The following ADARB2 variants were observed in gnomAD, a reference collection of about 807,000 sequenced individuals.
ADARB2 encodes inactive double-stranded RNA-specific editase B2.
In ADARB2, 25 loss-of-function variants were observed where a neutral mutation model predicts 62.2. That is an observed-to-expected ratio of 0.40 (90% CI 0.29 to 0.56). The LOEUF is 0.56. ADARB2 is among the 20% of genes least tolerant of loss of function. The pLI, the probability that ADARB2 is intolerant of heterozygous loss-of-function variation, is 0.43. For missense variants in ADARB2, 1,071 were observed against 1,077.4 expected, an observed-to-expected ratio of 0.99 and a Z score of 0.08; for synonymous variants, 572 against 500.8, an observed-to-expected ratio of 1.14 and a Z score of -1.90.
rs553763236 is a variant in ADARB2, at chr10:1,258,374, A to T, written c.1192+12581T>A. Among the ~76,000 whole-genome samples the T allele has an allele frequency of 3.9e-5, 6 of 152,280 alleles. No individual in the cohort carries two copies. The East Asian group carries it at 1.2e-3, about 29-fold the overall frequency. Reference sequence around the variant, plus strand: ...AAGGCACAGACTGGCAAATTGGAAAAAGAGTCAAGACCCATCAGTGTGCTG... The same window carrying T: ...AAGGCACAGACTGGCAAATTGGAAATAGAGTCAAGACCCATCAGTGTGCTG... On this transcript the variant is annotated intron_variant, in intron 4 of 9. Coordinates refer to ENST00000381312, the MANE Select transcript of ADARB2 (RefSeq NM_018702.4).
At chr10:1,420,196 TCTA>T (rs1832840338) in intron 1 of ADARB2, among the ~76,000 whole-genome samples, 7 of 152,234 alleles carry the variant, frequency 4.6e-5, no homozygotes, top group Admixed American at 4.6e-4. Flanking sequence ...AAAGTTCTAA[TCTA>T]CTACACAGCA....
At chr10:1,627,301 G>A (rs577732232) in intron 1 of ADARB2, among the ~76,000 whole-genome samples, 162 of 152,214 alleles carry the variant, frequency 1.1e-3, no homozygotes, top group Non-Finnish European at 7.1e-4. Flanking sequence ...GACTCCATTC[G>A]GAGAGCAGGG....
chr10:1,697,648 G>A (rs1834764093), intron 1 of ADARB2, among the ~76,000 whole-genome samples: 2 of 152,172 alleles, frequency 1.3e-5, no homozygotes, highest in Admixed American at 6.5e-5. Context: ...CCAGACAAGG[G>A]TGGGTGGGAA....
At chr10:1,357,440 C>T (rs1832206965) in intron 3 of ADARB2, among the ~76,000 whole-genome samples, 1 of 152,106 alleles carries the variant, frequency 6.6e-6, no homozygotes, top group Non-Finnish European at 1.5e-5. Context: ...ACCACAATCT[C>T]ACCTCCTTTC....
intron 1 of ADARB2, among the ~76,000 whole-genome samples, chr10:1,695,861 T>TAC (rs200924747): frequency 2.0e-5 from 3 of 151,942 alleles, no homozygotes; most frequent in African/African-American, 2.4e-5. Context: ...TGCATCCATG[T>TAC]ACACACACAT....
chr10:1,317,820 C>T (rs1250746957), intron 3 of ADARB2, among the ~76,000 whole-genome samples: 1 of 152,010 alleles, frequency 6.6e-6, no homozygotes, highest in Non-Finnish European at 1.5e-5. Flanking sequence ...CATTGGGGGC[C>T]CAGCTTGTAG....
At chr10:1,236,259 C>G (rs1437132531) in intron 5 of ADARB2, among the ~76,000 whole-genome samples, 295 of 9,120 alleles carry the variant, frequency 0.032, 27 homozygotes, top group East Asian at 0.17. Context: ...ACTCCCCTCT[C>G]CCTCCCGGTG....
rs1362622857 is a variant in ADARB2 at position 1,407,375 on chromosome 10, C to T, written c.101-28215G>A. Among the ~76,000 whole-genome samples the T allele has an allele frequency of 3.9e-5, 6 of 152,224 alleles. No individual in the cohort carries two copies. The South Asian group carries it at 1.0e-3, about 26-fold the overall frequency. ...GGCGTCCTTCTGAGCCACTGCTACT[C>T]CTGAAGAGGGTACAACGGCCGGGGT... On this transcript the variant is annotated intron_variant, in intron 1 of 9. Transcript: ENST00000381312.
At chr10:1,425,493 A>G (rs1832886943) in intron 1 of ADARB2, among the ~76,000 whole-genome samples, 1 of 152,178 alleles carries the variant, frequency 6.6e-6, no homozygotes, top group Admixed American at 6.5e-5. Context: ...TTTTATACTG[A>G]ATGTGTTGCT....
intron 1 of ADARB2, among the ~76,000 whole-genome samples, chr10:1,425,411 G>A (rs569854245): frequency 4.8e-4 from 73 of 152,170 alleles, no homozygotes; most frequent in Non-Finnish European, 9.0e-4. Flanking sequence ...CACAATAGAT[G>A]CTCAACAAAT....
chr10:1,178,057 A>C lies in ADARB2; in HGVS notation c.*5136T>G, dbSNP rs1384628559. 6.6e-6 allele frequency: 1 copy of C among 152,296 alleles called. No homozygotes were observed. Among genetic ancestry groups the C allele is most frequent in the Non-Finnish European group, 1.5e-5 (1 of 68,086 alleles). 9.4% of individuals were successfully genotyped at this position (152,296 alleles called of 1,614,324 possible). ...CATGTGGACACATTCAGGAGAGTCC[A>C]AAAATGACTGCAGCAACTCCCTGTG... On this transcript the variant is annotated 3_prime_UTR_variant, in exon 10 of 10. Coordinates refer to ENST00000381312, the MANE Select transcript of ADARB2 (RefSeq NM_018702.4).
At chr10:1,224,405 T>A (rs1301399443) in intron 6 of ADARB2, among the ~76,000 whole-genome samples, 2 of 151,890 alleles carry the variant, frequency 1.3e-5, no homozygotes, top group Non-Finnish European at 2.9e-5. Flanking sequence ...TTTTGAAGGG[T>A]TTTTTGTGTC....
intron 3 of ADARB2, among the ~76,000 whole-genome samples, chr10:1,299,824 C>G (rs1831557100): frequency 6.6e-6 from 1 of 152,188 alleles, no homozygotes; most frequent in Admixed American, 6.5e-5. Context: ...CAGTCTGGTC[C>G]CCTGTGCTTC....
chr10:1,479,941 AT>A (rs1425315270), intron 1 of ADARB2, among the ~76,000 whole-genome samples: 1 of 152,158 alleles, frequency 6.6e-6, no homozygotes, highest in African/African-American at 2.4e-5. Context: ...GCTTTACTCC[AT>A]TGCATTTTGG....
rs1168987698 is a variant in ADARB2 at position 1,398,360 on chromosome 10, G to C, written c.101-19200C>G. The stretch of plus-strand genomic sequence containing the variant: ...CAGCACAGGCAGTGGCACTGACACG[G>C]GGTGAAAGACCATGAGCGCTCCTCG... On this transcript the variant is annotated intron_variant, in intron 1 of 9. Transcript: ENST00000381312. This position sits in a 1 kb window ranked among gnomAD's most constrained non-coding sequence, Gnocchi z 4.1. 1.3e-5 allele frequency among the ~76,000 whole-genome samples: 2 copies of C among 152,258 alleles called. No homozygotes were observed. Among genetic ancestry groups the C allele is most frequent in the Non-Finnish European group, 2.9e-5 (2 of 68,046 alleles).
At chr10:1,331,544 A>G (rs149286940) in intron 3 of ADARB2, among the ~76,000 whole-genome samples, 76 of 152,338 alleles carry the variant, frequency 5.0e-4, no homozygotes, top group African/African-American at 1.8e-3. Flanking sequence ...GAATAGGCAA[A>G]TCATAGAGAC....
At chr10:1,561,825 C>T (rs1832789602) in intron 1 of ADARB2, among the ~76,000 whole-genome samples, 2 of 152,252 alleles carry the variant, frequency 1.3e-5, no homozygotes, top group Admixed American at 1.3e-4. Context: ...CTTTCCCCAG[C>T]ACCGCCGCTC....
At chr10:1,311,797 C>T (rs1433251816) in intron 3 of ADARB2, among the ~76,000 whole-genome samples, 4 of 152,218 alleles carry the variant, frequency 2.6e-5, no homozygotes, top group African/African-American at 4.8e-5. Flanking sequence ...CATCTCCGCC[C>T]TATGATGATG....
At chr10:1,414,076 T>C (rs1290721469) in intron 1 of ADARB2, among the ~76,000 whole-genome samples, 1 of 152,156 alleles carries the variant, frequency 6.6e-6, no homozygotes, top group Non-Finnish European at 1.5e-5. Context: ...ACTCCTTTCC[T>C]CACCAGCTCG....
Sources: allele counts gnomAD v4.1 joint callset (sites outside exome capture counted in the v4.1 genomes callset), GRCh38; gene constraint gnomAD v4.1.1; non-coding constraint Gnocchi (gnomAD v3.1); transcripts MANE v1.5; gene names NCBI Gene and HGNC (gene_info 2026-07-23, HGNC 2026-07-21).